Variants in GON4L observed in about 807,000 individuals in gnomAD.
The protein encoded by GON4L is GON-4-like protein.
GON4L carries 87 observed loss-of-function variants against 211.8 expected under a neutral mutation model. The ratio of observed to expected loss-of-function variants is 0.41; its 90% CI spans 0.35 to 0.49. The LOEUF (loss-of-function observed/expected upper bound fraction) is 0.49, where lower values mean the gene tolerates loss of function less well. Among genes scored for constraint, GON4L ranks in the 20% least tolerant of loss-of-function variants. GON4L has a pLI of 0.15. For synonymous variants in GON4L, 875 were observed against 962.6 expected (o/e 0.91, Z 1.68); for missense variants, 2,155 against 2,659.5 (o/e 0.81, Z 4.17).
intron 2 of GON4L, among the ~76,000 whole-genome samples, chr1:155,837,016 A>C (rs1399046626): frequency 6.6e-6 from 1 of 152,098 alleles, no homozygotes; most frequent in African/African-American, 2.4e-5. Flanking sequence ...CCAGGTTTTC[A>C]GCATTTGGTA....
intron 1 of GON4L, among the ~76,000 whole-genome samples, chr1:155,854,794 G>T (rs1672118031): frequency 6.6e-6 from 1 of 152,164 alleles, no homozygotes; most frequent in African/African-American, 2.4e-5. Flanking sequence ...CCAACACTTT[G>T]GGAGGCCAAG....
In GON4L at chr1:155,777,676, C is replaced by G; in HGVS notation, c.2037G>C (p.Gln679His). The change falls in exon 15 of 32, where the codon CAG becomes CAC. Residue 679 changes from glutamine (Q) to histidine (H), a missense_variant. Transcript: ENST00000368331. ...TCTGTGCTGGGTCCAGAATCAGAGT[C>G]TGATGAACTTTCTCACTCTGGGGTT... Reference protein sequence around the residue: ...KVKPQSEKVHQTLILDPAQRK... With the variant: ...KVKPQSEKVHHTLILDPAQRK... The G allele has an allele frequency of 1.9e-6, 3 of 1,613,800 alleles. 1 individual carries two copies. The highest frequency in any genetic ancestry group is 2.2e-5 in the South Asian group (2 of 91,076).
At chr1:155,749,366 T>C (rs1660384037), downstream of GON4L, 4 of 1,609,990 alleles carry the variant, frequency 2.5e-6, no homozygotes, top group Non-Finnish European at 3.4e-6. Context: ...CTGCCCTTCA[T>C]GCATGTACCA....
chr1:155,761,505 T>C (rs1460348511), intron 23 of GON4L, among the ~76,000 whole-genome samples: 2 of 150,690 alleles, frequency 1.3e-5, no homozygotes, highest in Non-Finnish European at 3.0e-5. Flanking sequence ...TCATTTTTTT[T>C]TTTTTTTTGA....
chr1:155,787,330 G>A (rs1190269614), intron 12 of GON4L, among the ~76,000 whole-genome samples: 2 of 152,132 alleles, frequency 1.3e-5, no homozygotes, highest in Admixed American at 6.6e-5. Context: ...AGTTTTGGTT[G>A]ATATCAAGTT....
chr1:155,824,861 G>A (rs1239308885), intron 3 of GON4L, among the ~76,000 whole-genome samples: 2 of 150,074 alleles, frequency 1.3e-5, no homozygotes, highest in East Asian at 4.0e-4. Flanking sequence ...TAAAGAAAAC[G>A]TAAAGCAAAC....
At chr1:155,772,067 T>A (rs1476543390) in intron 18 of GON4L, among the ~76,000 whole-genome samples, 2 of 151,538 alleles carry the variant, frequency 1.3e-5, no homozygotes, top group Non-Finnish European at 2.9e-5. Flanking sequence ...GTCAGGAGAA[T>A]CACTTGAAAC....
chr1:155,785,425 AAGG>A (rs753065877), intron 12 of GON4L, 51 bp from the exon 13 acceptor site: 22 of 1,221,318 alleles, frequency 1.8e-5, no homozygotes, highest in Non-Finnish European at 2.6e-5. Flanking sequence ...ATTTTACAAT[AAGG>A]AGGAATTCCA....
chr1:155,838,368 A>T (rs371074433), intron 2 of GON4L, among the ~76,000 whole-genome samples: 141 of 152,356 alleles, frequency 9.3e-4, no homozygotes, highest in African/African-American at 3.1e-3. Context: ...GAATCTTCTC[A>T]GTTACTGGCA....
rs1449691427 is a variant in GON4L at position 155,757,882 on chromosome 1, A to G, written c.5253+9T>C. The G allele has an allele frequency of 6.8e-6, 2 of 294,902 alleles. No homozygotes were observed. Among genetic ancestry groups the G allele is most frequent in the African/African-American group, 5.0e-5 (1 of 20,114 alleles). The allele number at this position is 294,902 out of a possible 1,614,324, so 18.3% of individuals were successfully genotyped here. On this transcript the variant is annotated intron_variant, in intron 25 of 31. Coordinates refer to ENST00000368331, the MANE Select transcript of GON4L (RefSeq NM_001282860.2). ...GACAACAGGAAGAAAGCAGGACAGG[A>G]AAGAATACCTCGGTGATCTCCTGGG...
chr1:155,844,746 A>G (rs1348272683), intron 2 of GON4L, among the ~76,000 whole-genome samples: 1 of 152,124 alleles, frequency 6.6e-6, no homozygotes, highest in Admixed American at 6.6e-5. Flanking sequence ...TGACAGAGCG[A>G]GATCCTGTCT....
chr1:155,812,722 AT>A (rs1667905190), intron 10 of GON4L, among the ~76,000 whole-genome samples: 1 of 151,866 alleles, frequency 6.6e-6, no homozygotes, highest in Non-Finnish European at 1.5e-5. Context: ...CACCTGGCAA[AT>A]TTTTGTATTT....
At chr1:155,780,191 C>T (rs1664278260) in intron 14 of GON4L, among the ~76,000 whole-genome samples, 1 of 152,214 alleles carries the variant, frequency 6.6e-6, no homozygotes, top group Non-Finnish European at 1.5e-5. Flanking sequence ...TTCAGGTAAA[C>T]TATCATTACT....
chr1:155,786,414 C>T (rs1191161566), intron 12 of GON4L, among the ~76,000 whole-genome samples: 1 of 152,118 alleles, frequency 6.6e-6, no homozygotes, highest in Non-Finnish European at 1.5e-5. Context: ...CCTGCAGTCC[C>T]AGCTACTCAA....
chr1:155,852,455 T>C (rs1671878771), intron 2 of GON4L, among the ~76,000 whole-genome samples: 1 of 151,986 alleles, frequency 6.6e-6, no homozygotes, highest in African/African-American at 2.4e-5. Flanking sequence ...ATGAAAGGGA[T>C]ACAATGGCTG....
At chr1:155,830,901 T>C (rs932562260) in intron 2 of GON4L, among the ~76,000 whole-genome samples, 4 of 152,140 alleles carry the variant, frequency 2.6e-5, no homozygotes, top group African/African-American at 4.8e-5. Context: ...ATTTTTTAAG[T>C]AGTAAAAATG....
At chr1:155,787,524 G>A (rs1236339772) in intron 12 of GON4L, among the ~76,000 whole-genome samples, 1 of 152,206 alleles carries the variant, frequency 6.6e-6, no homozygotes, top group East Asian at 1.9e-4. Context: ...TGTAATTCCA[G>A]CACTTTAGGA....
chr1:155,788,716 G>C (rs961976711), intron 12 of GON4L, among the ~76,000 whole-genome samples: 1 of 152,122 alleles, frequency 6.6e-6, no homozygotes, highest in Non-Finnish European at 1.5e-5. Context: ...TATGCTGAGT[G>C]AAAGAAGCCT....
Position 155,819,351 on chromosome 1 carries a change from T to C in GON4L, c.1014+1255A>G, listed in dbSNP as rs145833228. 4.0e-3 allele frequency among the ~76,000 whole-genome samples: 605 copies of C among 152,230 alleles called. 5 individuals carry two copies. The highest frequency in any genetic ancestry group is 0.014 in the African/African-American group (565 of 41,540). ...GGATGTATAGCCAAGAAAAGAATGT[T>C]ATGAAATAACATACTAGTTTTCTTC... On this transcript the variant is annotated intron_variant, in intron 6 of 31. Coordinates refer to ENST00000368331, the MANE Select transcript of GON4L (RefSeq NM_001282860.2).
Sources: allele counts gnomAD v4.1 joint callset (sites outside exome capture counted in the v4.1 genomes callset), GRCh38; gene constraint gnomAD v4.1.1; transcripts MANE v1.5; gene names NCBI Gene and HGNC (gene_info 2026-07-23, HGNC 2026-07-21).